CACNA1H: variants seen among roughly 807,000 people sequenced by gnomAD.
CACNA1H encodes the protein calcium voltage-gated channel subunit alpha1 H.
CACNA1H carries 149 observed loss-of-function variants against 192.5 expected under a neutral mutation model. The observed-to-expected ratio is 0.77, with a 90% CI of 0.68 to 0.89. CACNA1H has a LOEUF of 0.89. Among genes scored for constraint, CACNA1H ranks in the 40% least tolerant of loss-of-function variants. The probability of loss-of-function intolerance (pLI) is 0.00; values close to 1 mark genes in which losing one functional copy is unlikely to be tolerated. For synonymous variants in CACNA1H, 2,202 were observed against 1,475.2 expected, an observed-to-expected ratio of 1.49 and a Z score of -11.29; for missense variants, 4,257 against 3,423.5, an observed-to-expected ratio of 1.24 and a Z score of -6.08.
In CACNA1H at chr16:1,218,550, A is replaced by G; in HGVS notation, c.5786A>G (p.Asn1929Ser). The G allele has an allele frequency of 6.4e-7, 1 of 1,561,234 alleles. No individual in the cohort carries two copies. The highest frequency in any genetic ancestry group is 8.7e-7 in the Non-Finnish European group (1 of 1,153,148). ...GTGTCCAGGATGCTCTCGCTGCCCA[A>G]CGACAGCTACATGTTCAGGCCCGTG... Reference protein sequence around the residue: ...VSVSRMLSLPNDSYMFRPVVP... With the variant: ...VSVSRMLSLPSDSYMFRPVVP... Residue 1929 changes from asparagine to serine, a missense_variant, in exon 33 of 35, where the codon AAC becomes AGC. Transcript: ENST00000348261.
At chr16:1,200,160 TGACCTTGATCACGTCC>T in intron 6 of CACNA1H, 80 bp from the exon 7 acceptor site, 1 of 1,006,446 alleles carries the variant, frequency 9.9e-7, no homozygotes, top group African/African-American at 2.6e-5. Flanking sequence ...ATCACGTCCC[TGACCTTGATCACGTCC>T]CTGATCACAA....
chr16:1,210,912 C>T lies in CACNA1H; in HGVS notation c.4164C>T (p.Gly1388=), dbSNP rs371007087. 147 of 1,603,324 alleles carry T rather than the reference C, an allele frequency of 9.2e-5. No individual in the cohort carries two copies. Among genetic ancestry groups the T allele is most frequent in the Middle Eastern group, 1.8e-4 (1 of 5,454 alleles). ...TCGTGGCCATGGCCTCGGCTGGTGG[C>T]GCCAAGATCCTGGGTGTTCTGCGCG... The part of the protein sequence containing the change: ...DIVVAMASAG[G]AKILGVLRVL... The change falls in exon 21 of 35, where the codon GGC becomes GGT. Residue 1388 remains glycine (G), a synonymous_variant. Coordinates refer to ENST00000348261, the MANE Select transcript of CACNA1H (RefSeq NM_021098.3).
At chr16:1,217,842 C>T (rs1426239993) in intron 31 of CACNA1H, 77 bp from the exon 32 acceptor site, 2 of 1,497,218 alleles carry the variant, frequency 1.3e-6, no homozygotes, top group African/African-American at 2.8e-5. Context: ...CCCCAAGGGG[C>T]ATGTGGAGGC....
chr16:1,200,730 A>G lies in CACNA1H; in HGVS notation c.1134A>G (p.Glu378=), dbSNP rs1967760867. 1 of 1,562,286 alleles carries G rather than the reference A, an allele frequency of 6.4e-7. No homozygotes were observed. Among genetic ancestry groups the G allele is most frequent in the Non-Finnish European group, 8.7e-7 (1 of 1,153,328 alleles). ...TGCCCCCCCAGGTGATCACGCTGGA[A>G]GGCTGGGTGGACATCATGTACTACG... The part of the protein sequence containing the change: ...WIAIFQVITL[E]GWVDIMYYVM... The change falls in exon 8 of 35, where the codon GAA becomes GAG. Residue 378 remains glutamate, a synonymous_variant. Transcript: ENST00000348261.
intron 2 of CACNA1H, among the ~76,000 whole-genome samples, chr16:1,176,520 A>G (rs925212383): frequency 3.3e-5 from 5 of 152,204 alleles, no homozygotes; most frequent in African/African-American, 9.6e-5. Context: ...GCCTGGGGCC[A>G]GTACTTCCCC....
In CACNA1H at chr16:1,220,795, T is replaced by C; in HGVS notation, c.6863T>C (p.Val2288Ala). The change falls in exon 35 of 35, where the codon GTG (valine) becomes GCG (alanine). Residue 2288 changes from valine to alanine, a missense_variant. Physicochemically the swap from Val to Ala is moderately conservative, Grantham distance 64. Transcript: ENST00000348261. Reference sequence around the variant, plus strand: ...CCTTTCTTGGACGGTAGCCACAGTGTGACCCCAGAATCCAGAGCTTCCTCT... The same window carrying C: ...CCTTTCTTGGACGGTAGCCACAGTGCGACCCCAGAATCCAGAGCTTCCTCT... ...GDPFLDGSHS[V>A]TPESRASSSG... 2 of 1,612,714 alleles carry C rather than the reference T, an allele frequency of 1.2e-6. No homozygotes were observed. The highest frequency in any genetic ancestry group is 1.7e-6 in the Non-Finnish European group (2 of 1,179,766).
intron 2 of CACNA1H, among the ~76,000 whole-genome samples, chr16:1,161,646 C>T (rs1963210722): frequency 6.6e-6 from 1 of 152,226 alleles, no homozygotes; most frequent in African/African-American, 2.4e-5. Flanking sequence ...TTTGGTCTGT[C>T]ATCTCGGTCA....
At chr16:1,179,730 CT>C (rs758652517) in intron 2 of CACNA1H, among the ~76,000 whole-genome samples, 2,454 of 109,100 alleles carry the variant, frequency 0.022, 33 homozygotes, top group African/African-American at 0.043. Flanking sequence ...CGCCCGGCCT[CT>C]TTTTTTTTTT....
At chr16:1,165,135 G>C (rs1963627836) in intron 2 of CACNA1H, among the ~76,000 whole-genome samples, 1 of 152,180 alleles carries the variant, frequency 6.6e-6, no homozygotes, top group African/African-American at 2.4e-5. Flanking sequence ...CTGGGCCCGG[G>C]AGTGGGTGGG....
In CACNA1H at chr16:1,171,989, C is replaced by T. The variant is rs527614054; in HGVS notation, c.299+17953C>T. Among the ~76,000 whole-genome samples, 467 of 152,330 alleles carry T rather than the reference C, an allele frequency of 3.1e-3. 2 individuals carry two copies. The highest frequency in any genetic ancestry group is 5.5e-3 in the Non-Finnish European group (371 of 68,028). On this transcript the variant is annotated intron_variant, in intron 2 of 34. Transcript: ENST00000348261. ...GGGTCCAAGTGCGGCATGGGGTTCG[C>T]GTGGGCCCCCCGCCAGGTGCTGTGG... is the stretch of plus-strand genomic sequence containing the variant.
chr16:1,218,799 G>A, intron 33 of CACNA1H, 148 bp downstream of exon 33: 2 of 1,134,152 alleles, frequency 1.8e-6, no homozygotes, highest in Non-Finnish European at 2.5e-6. Flanking sequence ...CAGGAGGGAG[G>A]ATGGAGGCCA....
intron 9 of CACNA1H, among the ~76,000 whole-genome samples, chr16:1,203,288 A>G (rs763546716): frequency 1.3e-5 from 2 of 152,268 alleles, no homozygotes; most frequent in East Asian, 1.9e-4. Context: ...GGTCATTTTC[A>G]TGTCAGTTTC....
chr16:1,191,870 G>T (rs1252190628), intron 2 of CACNA1H, among the ~76,000 whole-genome samples: 1 of 131,862 alleles, frequency 7.6e-6, no homozygotes, highest in African/African-American at 3.1e-5. Flanking sequence ...TCAGGGTTTT[G>T]GTGACCCAGC....
intron 9 of CACNA1H, 103 bp from the exon 10 acceptor site, chr16:1,203,906 TG>T (rs201732928): frequency 5.0e-6 from 4 of 796,678 alleles, no homozygotes; most frequent in Admixed American, 2.9e-5. Context: ...TGGATCTTTC[TG>T]GGGGGGACAC....
intron 2 of CACNA1H, among the ~76,000 whole-genome samples, chr16:1,188,626 A>C (rs1444650137): frequency 6.6e-6 from 1 of 152,154 alleles, no homozygotes; most frequent in Non-Finnish European, 1.5e-5. Context: ...GCCCGCGCCC[A>C]GGGGCCGGGA....
chr16:1,193,350 C>G (rs1271160882), intron 2 of CACNA1H, among the ~76,000 whole-genome samples: 2 of 152,264 alleles, frequency 1.3e-5, no homozygotes, highest in East Asian at 3.8e-4. Context: ...GGTCAGGAGG[C>G]TGGGAGAGGC....
chr16:1,154,527 A>G (rs536347746), intron 2 of CACNA1H, among the ~76,000 whole-genome samples: 1 of 152,110 alleles, frequency 6.6e-6, no homozygotes, highest in East Asian at 1.9e-4. Flanking sequence ...GTGCGTGGGG[A>G]GACCCGTGGG....
rs980330362 is a variant in CACNA1H at position 1,206,926 on chromosome 16, C to T, written c.2790-75C>T. 18 of 216,372 alleles carry T rather than the reference C, an allele frequency of 8.3e-5. No homozygotes were observed. The East Asian group carries it at 1.8e-3, about 21-fold the overall frequency. 13.4% of individuals were successfully genotyped at this position (216,372 alleles called of 1,614,324 possible). ...CCTGCCCCTCCCTCCTCCCACCCCC[C>T]TCCCGCTCCCCCACCTTCTTCCGCT... On this transcript the variant is annotated intron_variant, in intron 12 of 34. Coordinates refer to ENST00000348261, the MANE Select transcript of CACNA1H (RefSeq NM_021098.3).
chr16:1,203,184 C>G (rs1039767543), intron 9 of CACNA1H, among the ~76,000 whole-genome samples: 4 of 152,146 alleles, frequency 2.6e-5, no homozygotes, highest in African/African-American at 9.7e-5. Context: ...GGCGCATGCT[C>G]CTAGCCCTTG....
Sources: allele counts gnomAD v4.1 joint callset (sites outside exome capture counted in the v4.1 genomes callset), GRCh38; gene constraint gnomAD v4.1.1; transcripts MANE v1.5; gene names NCBI Gene and HGNC (gene_info 2026-07-23, HGNC 2026-07-21).